Variants in SIL1 observed in about 807,000 individuals in gnomAD.
SIL1 encodes the protein SIL1 nucleotide exchange factor, also known as nucleotide exchange factor SIL1.
Under a neutral mutation model 49.1 loss-of-function variants are expected in SIL1, and 40 were observed. The ratio of observed to expected loss-of-function variants is 0.81; its 90% CI spans 0.63 to 1.06. SIL1 has a LOEUF of 1.06. Among genes scored for constraint, SIL1 ranks in the 50% least tolerant of loss-of-function variants. SIL1 has a pLI of 0.00. For missense variants in SIL1, 500 were observed against 572.6 expected (o/e 0.87, Z 1.29); for synonymous variants, 253 against 250.8 (o/e 1.01, Z -0.08).
At chr5:138,957,880 A>G (rs1766935247) in intron 7 of SIL1, among the ~76,000 whole-genome samples, 2 of 151,812 alleles carry the variant, frequency 1.3e-5, no homozygotes, top group East Asian at 1.9e-4. Context: ...TGTCCCAATA[A>G]TAGTCCTTAC....
intron 7 of SIL1, among the ~76,000 whole-genome samples, chr5:139,008,112 G>A (rs1306993797): frequency 2.0e-5 from 3 of 151,440 alleles, no homozygotes; most frequent in Admixed American, 6.6e-5. Flanking sequence ...TGGTTGGTAA[G>A]CTATTGATTA....
chr5:139,120,138 G>A (rs1161418474), intron 3 of SIL1, among the ~76,000 whole-genome samples: 1 of 152,238 alleles, frequency 6.6e-6, no homozygotes, highest in Non-Finnish European at 1.5e-5. Context: ...GGGCAGTGAG[G>A]ACATGGTGAT....
At chr5:139,041,146 CT>C (rs1365412937) in intron 5 of SIL1, among the ~76,000 whole-genome samples, 2 of 152,214 alleles carry the variant, frequency 1.3e-5, no homozygotes, top group Non-Finnish European at 2.9e-5. Flanking sequence ...AGAAGATGTG[CT>C]TCTCCTCAGC....
intron 7 of SIL1, among the ~76,000 whole-genome samples, chr5:138,971,658 C>T (rs939559849): frequency 6.6e-6 from 1 of 152,212 alleles, no homozygotes; most frequent in Non-Finnish European, 1.5e-5. Context: ...CCCATTCACA[C>T]CAATGGTTTC....
intron 7 of SIL1, among the ~76,000 whole-genome samples, chr5:138,958,791 C>T (rs1384500910): frequency 6.6e-6 from 1 of 151,468 alleles, no homozygotes; most frequent in Admixed American, 6.6e-5. Context: ...GGATGTTCAA[C>T]CTGTACCATG....
intron 6 of SIL1, among the ~76,000 whole-genome samples, chr5:139,023,438 G>A (rs1768573834): frequency 6.6e-6 from 1 of 152,068 alleles, no homozygotes; most frequent in African/African-American, 2.4e-5. Context: ...TGAGAGAATG[G>A]GAAACAGCGA....
intron 3 of SIL1, among the ~76,000 whole-genome samples, chr5:139,112,243 T>C (rs866102532): frequency 1.3e-5 from 2 of 152,224 alleles, no homozygotes; most frequent in African/African-American, 4.8e-5. Context: ...AGTGCCGAGA[T>C]TGCAGCCTCT....
intron 1 of SIL1, among the ~76,000 whole-genome samples, chr5:139,165,934 A>AT (rs1751609387): frequency 6.6e-6 from 1 of 152,068 alleles, no homozygotes; most frequent in Admixed American, 6.6e-5. Context: ...AAGTGCTGGG[A>AT]TTACAGGCCT....
At chr5:139,191,894 G>A (rs1303947499) in intron 1 of SIL1, among the ~76,000 whole-genome samples, 1 of 151,948 alleles carries the variant, frequency 6.6e-6, no homozygotes, top group East Asian at 1.9e-4. Flanking sequence ...GGCCAATATG[G>A]TGAAATCCCA....
At chr5:139,035,789 C>T (rs185363101) in intron 5 of SIL1, 1,839 of 171,854 alleles carry the variant, frequency 0.011, 34 homozygotes, top group African/African-American at 0.041. Context: ...GCTGGGACTA[C>T]AGGCGCCAAC....
intron 1 of SIL1, among the ~76,000 whole-genome samples, chr5:139,152,982 C>T (rs1428555542): frequency 1.3e-5 from 2 of 152,162 alleles, no homozygotes; most frequent in Non-Finnish European, 2.9e-5. Context: ...CCACGCCCGG[C>T]TAATTTTGTA....
chr5:139,196,009 A>AC (rs1752263918), intron 1 of SIL1, among the ~76,000 whole-genome samples: 1 of 152,132 alleles, frequency 6.6e-6, no homozygotes, highest in South Asian at 2.1e-4. Context: ...ACACAGCGAG[A>AC]CCCTGTCTCT....
intron 1 of SIL1, among the ~76,000 whole-genome samples, chr5:139,195,716 G>A (rs1375855424): frequency 6.6e-6 from 1 of 152,194 alleles, no homozygotes; most frequent in Non-Finnish European, 1.5e-5. Flanking sequence ...GTGGTACATT[G>A]AGCCCCAGAG....
At chr5:138,988,284 G>A (rs1486149078) in intron 7 of SIL1, among the ~76,000 whole-genome samples, 1 of 152,194 alleles carries the variant, frequency 6.6e-6, no homozygotes, top group African/African-American at 2.4e-5. Context: ...GGAACATGCT[G>A]CAGCCAAGGA....
At chr5:139,026,353 G>A (rs1397437876) in intron 6 of SIL1, among the ~76,000 whole-genome samples, 2 of 152,114 alleles carry the variant, frequency 1.3e-5, no homozygotes, top group African/African-American at 2.4e-5. Flanking sequence ...TGTAATCCCA[G>A]CACTTTGGGA....
intron 1 of SIL1, among the ~76,000 whole-genome samples, chr5:139,144,312 A>C (rs1451701680): frequency 6.6e-6 from 1 of 152,214 alleles, no homozygotes; most frequent in Non-Finnish European, 1.5e-5. Flanking sequence ...TGACAGAGCA[A>C]GATCCCATCT....
chr5:139,192,997 CAAAAAAA>C (rs60150903), intron 1 of SIL1, among the ~76,000 whole-genome samples: 3 of 79,030 alleles, frequency 3.8e-5, no homozygotes, highest in African/African-American at 1.4e-4. Flanking sequence ...AACTCAGTCT[CAAAAAAA>C]AAAAAAAAAA....
At chr5:139,141,377 G>T (rs1288571469) in intron 1 of SIL1, among the ~76,000 whole-genome samples, 1 of 152,006 alleles carries the variant, frequency 6.6e-6, no homozygotes, top group Non-Finnish European at 1.5e-5. Context: ...CAGGCACAAT[G>T]GTTCACACCT....
intron 1 of SIL1, 154 bp from the exon 2 acceptor site, chr5:139,128,007 C>G (rs753522887): frequency 1.5e-6 from 1 of 662,372 alleles, no homozygotes; most frequent in African/African-American, 1.8e-5. Flanking sequence ...AATTCTGAAG[C>G]CTCCATCTAC....
Sources: allele counts gnomAD v4.1 joint callset (sites outside exome capture counted in the v4.1 genomes callset), GRCh38; gene constraint gnomAD v4.1.1; transcripts MANE v1.5; gene names NCBI Gene and HGNC (gene_info 2026-07-23, HGNC 2026-07-21).